The following SLU7 variants were observed in gnomAD, a reference collection of about 807,000 sequenced individuals.
SLU7 encodes the protein pre-mRNA-splicing factor SLU7.
Under a neutral mutation model 87.0 loss-of-function variants are expected in SLU7, and 60 were observed. That is an observed-to-expected ratio of 0.69 (90% CI 0.56 to 0.86). The LOEUF is 0.86. Among genes scored for constraint, SLU7 ranks in the 40% least tolerant of loss-of-function variants. The pLI is 0.00. For missense variants in SLU7, 507 were observed against 686.6 expected (o/e 0.74, Z 2.92); for synonymous variants, 197 against 222.0 (o/e 0.89, Z 1.00).
At chr5:160,405,233 G>A in intron 12 of SLU7, 98 bp from the exon 13 acceptor site, 1 of 832,830 alleles carries the variant, frequency 1.2e-6, no homozygotes, top group Non-Finnish European at 2.0e-6. Context: ...CCCATTAAAG[G>A]TAATTTGGGA....
At chr5:160,413,256 GA>G (rs1765313849) in intron 5 of SLU7, among the ~76,000 whole-genome samples, 199 bp downstream of exon 5, 2 of 152,044 alleles carry the variant, frequency 1.3e-5, no homozygotes. Flanking sequence ...CAAATAAGAA[GA>G]AACTGCTGGC....
At chr5:160,405,233 G>GT (rs1366623912) in intron 12 of SLU7, 98 bp from the exon 13 acceptor site, 11 of 832,712 alleles carry the variant, frequency 1.3e-5, no homozygotes, top group Middle Eastern at 4.6e-4. Flanking sequence ...CCCATTAAAG[G>GT]TAATTTGGGA....
chr5:160,408,630 A>G lies in SLU7; in HGVS notation c.687+20T>C, dbSNP rs1765104627. Reference sequence around the variant, plus strand: ...ATTTAAAAATTTAACATATACTCAGAGACAGCAAATATGTATTACCATCTG... The same window carrying G: ...ATTTAAAAATTTAACATATACTCAGGGACAGCAAATATGTATTACCATCTG... On this transcript the variant is annotated intron_variant, in intron 7 of 15. Transcript: ENST00000297151. 1 of 1,502,660 alleles carries G rather than the reference A, an allele frequency of 6.7e-7. No individual in the cohort carries two copies. Among genetic ancestry groups the G allele is most frequent in the Non-Finnish European group, 9.2e-7 (1 of 1,086,396 alleles). The allele number at this position is 1,502,660 out of a possible 1,614,324, so 93.1% of individuals were successfully genotyped here. A position where few individuals can be genotyped will look rare whatever the true frequency, so the allele number is the denominator to read the frequency against.
chr5:160,408,499 AAGC>A (rs1561557750), intron 7 of SLU7, 39 bp from the exon 8 acceptor site: 2 of 1,576,370 alleles, frequency 1.3e-6, no homozygotes, highest in East Asian at 4.5e-5. Context: ...GAAGAAAAGA[AAGC>A]AGCATGTAGT....
chr5:160,417,635 C>CA (rs918629476), intron 1 of SLU7, among the ~76,000 whole-genome samples: 2 of 151,854 alleles, frequency 1.3e-5, no homozygotes, highest in African/African-American at 2.4e-5. Flanking sequence ...TAAGCATATA[C>CA]AAAAAAATCA....
intron 15 of SLU7, 101 bp from the exon 16 acceptor site, chr5:160,403,565 C>T: frequency 1.0e-6 from 1 of 988,314 alleles, no homozygotes; most frequent in Non-Finnish European, 1.4e-6. Context: ...ATGAACTGCT[C>T]TATCAAAAAC....
At position 160,407,625 on chromosome 5, in the gene SLU7, T is replaced by G; in HGVS notation, c.986-10A>C. On this transcript the variant is annotated splice_polypyrimidine_tract_variant and intron_variant, in intron 10 of 15. Coordinates refer to ENST00000297151, the MANE Select transcript of SLU7 (RefSeq NM_006425.5). The surrounding 1 kb of genome is among the most constrained non-coding windows in gnomAD (Gnocchi z 4.2). ...GCTTCCCATGCAAACACTAGAGTAA[T>G]TCAAAACATCTTAGTGAGTTGGCAG... 1 of 1,607,580 alleles carries G rather than the reference T, an allele frequency of 6.2e-7. No homozygotes were observed. Among genetic ancestry groups the G allele is most frequent in the Non-Finnish European group, 8.5e-7 (1 of 1,178,132 alleles).
chr5:160,406,706 T>G (rs1554081961), intron 11 of SLU7, 77 bp from the exon 12 acceptor site: 1 of 1,165,370 alleles, frequency 8.6e-7, no homozygotes, highest in Non-Finnish European at 1.2e-6. Flanking sequence ...CATTTATTTC[T>G]AATCAGAAAG....
rs191630647 is a variant in SLU7, at chr5:160,411,368, G to A, written c.639+1083C>T. Among the ~76,000 whole-genome samples, 79 of 152,112 alleles carry A rather than the reference G, an allele frequency of 5.2e-4. 1 individual carries two copies. The highest frequency in any genetic ancestry group is 3.4e-3 in the Middle Eastern group (1 of 294). On this transcript the variant is annotated intron_variant, in intron 6 of 15. Transcript: ENST00000297151. ...CGAGTAGCTGGGACTACAGGTGCTCGCCACCACACCCAGCTAATTTTTGTA... is the reference window on the plus strand; with the variant it reads ...CGAGTAGCTGGGACTACAGGTGCTCACCACCACACCCAGCTAATTTTTGTA...
intron 5 of SLU7, among the ~76,000 whole-genome samples, 170 bp from the exon 6 acceptor site, chr5:160,412,689 C>T (rs1765292578): frequency 6.6e-6 from 1 of 151,908 alleles, no homozygotes; most frequent in Non-Finnish European, 1.5e-5. Context: ...TTCCTTGTAG[C>T]CCTAGACCTA....
chr5:160,406,573 A>T lies in SLU7; in HGVS notation c.1182T>A (p.Thr394=), dbSNP rs1416463201. 1 of 1,613,494 alleles carries T rather than the reference A, an allele frequency of 6.2e-7. No homozygotes were observed. Among genetic ancestry groups the T allele is most frequent in the Admixed American group, 1.7e-5 (1 of 59,914 alleles). ...APPAELLLAQ[T]EDYVEYSRHG... is the part of the protein sequence containing the mutation. The stretch of plus-strand genomic sequence containing the variant: ...GTCTTGAGTACTCCACATAGTCTTC[A>T]GTCTGGGCTAAAAGCAATTCAGCTG... Residue 394 remains threonine, a synonymous_variant, in exon 12 of 16, where the codon ACT becomes ACA. Transcript: ENST00000297151.
chr5:160,415,610 A>G (rs1219459701), intron 1 of SLU7, among the ~76,000 whole-genome samples: 7 of 152,180 alleles, frequency 4.6e-5, no homozygotes, highest in African/African-American at 1.7e-4. Context: ...TTTCTAACAC[A>G]GTAACTCTTA....
chr5:160,412,540 A>AAAAAC, intron 5 of SLU7, 21 bp from the exon 6 acceptor site: 1 of 1,412,498 alleles, frequency 7.1e-7, no homozygotes, highest in Non-Finnish European at 9.5e-7. Flanking sequence ...AAAAAAAAGA[A>AAAAAC]AGAAAGAAAG....
rs141871145 is a variant in SLU7 at position 160,415,273 on chromosome 5, C to A, written c.22G>T (p.Ala8Ser). The change falls in exon 2 of 16, where the codon GCA becomes TCA. Residue 8 changes from alanine (A) to serine (S), a missense_variant. Ala to Ser is a moderately conservative substitution (Grantham distance 99). Coordinates refer to ENST00000297151, the MANE Select transcript of SLU7 (RefSeq NM_006425.5). ...CCCGATAGGGGTGCAGCATTAACTGCATCTACAACTGTGGCTGACATGGTT... is the reference window on the plus strand; with the variant it reads ...CCCGATAGGGGTGCAGCATTAACTGAATCTACAACTGTGGCTGACATGGTT... MSATVVD[A>S]VNAAPLSGSK... The A allele has an allele frequency of 1.9e-6, 3 of 1,590,690 alleles. No individual in the cohort carries two copies. Among genetic ancestry groups the A allele is most frequent in the Non-Finnish European group, 2.6e-6 (3 of 1,171,288 alleles).
At chr5:160,411,515 G>A (rs546221664) in intron 6 of SLU7, among the ~76,000 whole-genome samples, 3 of 152,148 alleles carry the variant, frequency 2.0e-5, no homozygotes, top group Non-Finnish European at 2.9e-5. Context: ...CATTGTGCTC[G>A]GCCAGAGATG....
intron 6 of SLU7, among the ~76,000 whole-genome samples, chr5:160,410,899 C>A (rs1470166553): frequency 6.7e-6 from 1 of 149,590 alleles, no homozygotes; most frequent in African/African-American, 2.5e-5. Context: ...CGGAGTCTCA[C>A]TCTGTCGCCC....
rs769613319 is a variant in SLU7 at position 160,407,698 on chromosome 5, C to T, written c.985+48G>A. The T allele has an allele frequency of 2.1e-5, 34 of 1,601,650 alleles. No homozygotes were observed. Among genetic ancestry groups the T allele is most frequent in the Middle Eastern group, 1.7e-4 (1 of 6,020 alleles). On this transcript the variant is annotated intron_variant, in intron 10 of 15. Coordinates refer to ENST00000297151, the MANE Select transcript of SLU7 (RefSeq NM_006425.5). The surrounding 1 kb of genome is among the most constrained non-coding windows in gnomAD (Gnocchi z 4.2). The stretch of plus-strand genomic sequence containing the variant: ...AAAACAAGCTTTAAACAATCCCAAA[C>T]GTCTTATGAGCTGATATAAAATGGC...
intron 6 of SLU7, among the ~76,000 whole-genome samples, chr5:160,408,900 TTAAGA>T (rs1457713956): frequency 6.8e-6 from 1 of 147,970 alleles, no homozygotes; most frequent in East Asian, 1.9e-4. Context: ...TAAATAAGTA[TTAAGA>T]TAATAAAACT....
In SLU7 at chr5:160,404,677, G is replaced by C. The variant is rs1764929530; in HGVS notation, c.1465-121C>G. 5 of 873,334 alleles carry C rather than the reference G, an allele frequency of 5.7e-6. No individual in the cohort carries two copies. The South Asian group carries it at 6.2e-5, about 11-fold the overall frequency. 54.1% of individuals were successfully genotyped at this position (873,334 alleles called of 1,614,324 possible). ...GGAGGCGGAAGTTGCAGTGGGCCCAGACCGTGCACTGCGCTCGAGCCTGGG... is the reference window on the plus strand; with the variant it reads ...GGAGGCGGAAGTTGCAGTGGGCCCACACCGTGCACTGCGCTCGAGCCTGGG... On this transcript the variant is annotated intron_variant, in intron 14 of 15. Coordinates refer to ENST00000297151, the MANE Select transcript of SLU7 (RefSeq NM_006425.5).
Sources: allele counts gnomAD v4.1 joint callset (sites outside exome capture counted in the v4.1 genomes callset), GRCh38; gene constraint gnomAD v4.1.1; non-coding constraint Gnocchi (gnomAD v3.1); transcripts MANE v1.5; gene names NCBI Gene and HGNC (gene_info 2026-07-23, HGNC 2026-07-21).